MID1: variants seen among roughly 807,000 people sequenced by gnomAD.
MID1 encodes midline 1.
MID1 carries 7 observed loss-of-function variants against 40.4 expected under a neutral mutation model. The observed-to-expected ratio is 0.17, with a 90% CI of 0.10 to 0.33. MID1 has a LOEUF of 0.33. Ranked by LOEUF, MID1 falls within the 10% of genes least tolerant of loss-of-function variation. MID1 has a pLI of 1.00. For synonymous variants in MID1, 229 were observed against 221.2 expected (o/e 1.04, Z -0.31); for missense variants, 367 against 558.5 (o/e 0.66, Z 3.46).
chrX:10,814,602 CGTGTGT>C (rs2080666420), intron 1 of MID1, among the ~76,000 whole-genome samples: 1 of 99,478 alleles, frequency 1.0e-5, no homozygotes, highest in Non-Finnish European at 2.0e-5. Flanking sequence ...TGTGTGTGTG[CGTGTGT>C]GCATAAGTGT....
intron 1 of MID1, among the ~76,000 whole-genome samples, chrX:10,764,420 C>T (rs367974183): frequency 1.8e-5 from 2 of 111,300 alleles, no homozygotes; most frequent in African/African-American, 6.5e-5. Context: ...AATTCACCGA[C>T]AGCTGGTATA....
chrX:10,807,492 T>C (rs1487704988), intron 1 of MID1, among the ~76,000 whole-genome samples: 2 of 111,523 alleles, frequency 1.8e-5, no homozygotes, highest in Middle Eastern at 9.3e-3. Context: ...AAGAATCCAC[T>C]TCCAAGATCA....
At chrX:10,627,076 A>G (rs1047883571) in intron 1 of MID1, among the ~76,000 whole-genome samples, 1 of 112,010 alleles carries the variant, frequency 8.9e-6, no homozygotes, top group African/African-American at 3.2e-5. Flanking sequence ...AGAGTCTTTC[A>G]TACATTTGTA....
intron 1 of MID1, among the ~76,000 whole-genome samples, chrX:10,713,026 G>A (rs961072213): frequency 8.2e-5 from 9 of 110,060 alleles, no homozygotes; most frequent in African/African-American, 3.0e-4. Context: ...TAGTAGAGAC[G>A]GGGTTTCACT....
At chrX:10,759,360 T>C (rs2043658725) in intron 1 of MID1, among the ~76,000 whole-genome samples, 1 of 111,781 alleles carries the variant, frequency 8.9e-6, no homozygotes, top group Admixed American at 9.5e-5. Flanking sequence ...TTCTAATTAT[T>C]TTCAGAACTT....
chrX:10,698,689 A>G (rs2043176116), intron 1 of MID1, among the ~76,000 whole-genome samples: 1 of 106,119 alleles, frequency 9.4e-6, no homozygotes, highest in African/African-American at 3.5e-5. Context: ...TTTGAGCTGA[A>G]GGCAATTGAG....
intron 1 of MID1, among the ~76,000 whole-genome samples, chrX:10,613,381 A>G (rs1385093530): frequency 9.1e-6 from 1 of 110,083 alleles, no homozygotes; most frequent in African/African-American, 3.3e-5. Context: ...CTTGAACTTC[A>G]CTATGAAAAA....
intron 1 of MID1, among the ~76,000 whole-genome samples, chrX:10,672,053 C>T (rs2042990040): frequency 9.0e-6 from 1 of 110,780 alleles, no homozygotes; most frequent in African/African-American, 3.3e-5. Context: ...GGTGAAACCC[C>T]ATGTCTGCAA....
intron 1 of MID1, among the ~76,000 whole-genome samples, chrX:10,825,489 C>A (rs891157944): frequency 3.6e-5 from 4 of 112,254 alleles, no homozygotes; most frequent in Non-Finnish European, 5.6e-5. Context: ...GCAAAACCTT[C>A]ACCCAAACCC....
intron 1 of MID1, among the ~76,000 whole-genome samples, chrX:10,611,181 A>G (rs1018293556): frequency 4.3e-4 from 48 of 112,279 alleles, no homozygotes; most frequent in African/African-American, 1.5e-3. Flanking sequence ...AAAAGCGTTC[A>G]AGGTCTTTTG....
chrX:10,645,643 A>G (rs1005521869), intron 1 of MID1, among the ~76,000 whole-genome samples: 1 of 112,245 alleles, frequency 8.9e-6, no homozygotes, highest in Admixed American at 9.4e-5. Flanking sequence ...TAAGCACCCT[A>G]TTGGACACCT....
intron 1 of MID1, among the ~76,000 whole-genome samples, chrX:10,693,015 C>A (rs1034876052): frequency 9.0e-6 from 1 of 111,359 alleles, no homozygotes; most frequent in Non-Finnish European, 1.9e-5. Context: ...TCTAGCCTGA[C>A]TTCCTTATCT....
intron 4 of MID1, 29 bp from the exon 5 acceptor site, chrX:10,482,657 G>T: frequency 8.4e-7 from 1 of 1,195,482 alleles, no homozygotes. Flanking sequence ...GGAGAGAGAT[G>T]GTTACATGGG....
chrX:10,572,104 A>ACTCTCT (rs59928523), intron 1 of MID1, among the ~76,000 whole-genome samples: 1,107 of 70,377 alleles, frequency 0.016, 12 homozygotes, highest in Middle Eastern at 0.078. Flanking sequence ...CTTTCTTTTC[A>ACTCTCT]CTCTCTCTCT....
intron 1 of MID1, among the ~76,000 whole-genome samples, chrX:10,694,012 T>C (rs753185815): frequency 8.9e-6 from 1 of 112,226 alleles, no homozygotes; most frequent in Non-Finnish European, 1.9e-5. Context: ...TAACCTGAAG[T>C]CATTTGAGAG....
intron 1 of MID1, among the ~76,000 whole-genome samples, chrX:10,778,385 T>C (rs950700453): frequency 1.8e-5 from 2 of 111,503 alleles, no homozygotes; most frequent in Non-Finnish European, 3.8e-5. Flanking sequence ...ATGAGATATA[T>C]ATATATTAAT....
intron 1 of MID1, among the ~76,000 whole-genome samples, chrX:10,786,052 T>G (rs1446446590): frequency 1.8e-5 from 2 of 111,006 alleles, no homozygotes; most frequent in African/African-American, 6.6e-5. Context: ...GGGAGAAAAT[T>G]TTTGCAATCT....
chrX:10,619,236 A>T (rs1935892209), intron 1 of MID1, among the ~76,000 whole-genome samples: 1 of 112,207 alleles, frequency 8.9e-6, no homozygotes, highest in Non-Finnish European at 1.9e-5. Context: ...CTGCGCTCTT[A>T]AATGGAAAGC....
At chrX:10,715,308 G>T (rs1049912687) in intron 1 of MID1, among the ~76,000 whole-genome samples, 7 of 112,104 alleles carry the variant, frequency 6.2e-5, no homozygotes, top group Non-Finnish European at 1.3e-4. Context: ...AAGGAAAGGG[G>T]TGACTGATGG....
Sources: gnomAD v4.1 joint callset for allele counts (sites outside exome capture counted in the v4.1 genomes callset) on GRCh38, gnomAD v4.1.1 for gene constraint, MANE v1.5 for transcripts, NCBI Gene and HGNC (gene_info 2026-07-23, HGNC 2026-07-21) for gene names.